The following TOR1AIP2 variants were observed in gnomAD, a reference collection of about 807,000 sequenced individuals.
The protein encoded by TOR1AIP2 is torsin-1A-interacting protein 2.
A neutral mutation model predicts 32.6 loss-of-function variants in TOR1AIP2; 20 were observed. The ratio of observed to expected loss-of-function variants is 0.61; its 90% confidence interval spans 0.43 to 0.89. The LOEUF is 0.89. Among genes scored for constraint, TOR1AIP2 ranks in the 40% least tolerant of loss-of-function variants. The pLI, the probability that TOR1AIP2 is intolerant of heterozygous loss-of-function variation, is 0.00. For synonymous variants in TOR1AIP2, 214 were observed against 210.8 expected, an observed-to-expected ratio of 1.02 and a Z score of -0.13; for missense variants, 456 against 553.8, an observed-to-expected ratio of 0.82 and a Z score of 1.77.
chr1:179,859,621 G>A, intron 3 of TOR1AIP2: 8 of 985,370 alleles, frequency 8.1e-6, no homozygotes, highest in Non-Finnish European at 9.6e-6. Context: ...GTTGTGGAAA[G>A]TCTCAGGTGA....
chr1:179,865,250 ACCAGT>A, intron 3 of TOR1AIP2, 181 bp downstream of exon 3: 2 of 1,504,268 alleles, frequency 1.3e-6, no homozygotes, highest in Non-Finnish European at 1.8e-6. Context: ...ACGCCCAAAC[ACCAGT>A]CCTATTACAG....
Position 179,851,133 on chromosome 1 carries a change from C to T in TOR1AIP2, c.265G>A (p.Glu89Lys), listed in dbSNP as rs778071605. ...GKHPKDKTED[E>K]NKQSFLDGGK... The stretch of plus-strand genomic sequence containing the variant: ...CCATCCAGAAAACTCTGCTTGTTCT[C>T]ATCTTCTGTTTTATCCTTTGGATGT... Residue 89 changes from glutamate (E) to lysine (K), a missense_variant, in exon 5 of 7, where the codon GAG becomes AAG. By Grantham distance (56) the Glu-to-Lys change is moderately conservative. Coordinates refer to ENST00000609928, the MANE Select transcript of TOR1AIP2 (RefSeq NM_001199260.2). The T allele has an allele frequency of 1.2e-6, 2 of 1,614,164 alleles. No individual in the cohort carries two copies. Among genetic ancestry groups the T allele is most frequent in the Non-Finnish European group, 1.7e-6 (2 of 1,180,038 alleles).
chr1:179,856,877 G>C (rs555281375), intron 3 of TOR1AIP2, among the ~76,000 whole-genome samples: 1 of 152,330 alleles, frequency 6.6e-6, no homozygotes, highest in African/African-American at 2.4e-5. Flanking sequence ...GCCTCACAAA[G>C]TGGTGGGGAT....
intron 3 of TOR1AIP2, chr1:179,862,305 A>G (rs1696570660): frequency 1.0e-6 from 1 of 982,338 alleles, no homozygotes; most frequent in African/African-American, 1.7e-5. Flanking sequence ...TAAAAAATTT[A>G]GGGGCAATAA....
At position 179,845,985 on chromosome 1, in the gene TOR1AIP2, A is replaced by G; in HGVS notation, c.*86T>C. The G allele has an allele frequency of 8.1e-7, 1 of 1,233,428 alleles. No homozygotes were observed. Among genetic ancestry groups the G allele is most frequent in the East Asian group, 2.4e-5 (1 of 42,250 alleles). 76.4% of individuals were successfully genotyped at this position (1,233,428 alleles called of 1,614,324 possible). A position where few individuals can be genotyped will look rare whatever the true frequency, so the allele number is the denominator to read the frequency against. ...TCAGGCTATTTCCTCAAGCTATTTT[A>G]TCAACCTCCTTCCATATAAATGGAA... On this transcript the variant is annotated 3_prime_UTR_variant, in exon 7 of 7. Transcript: ENST00000609928.
chr1:179,855,422 T>C (rs1269531862), intron 3 of TOR1AIP2, among the ~76,000 whole-genome samples: 2 of 152,056 alleles, frequency 1.3e-5, no homozygotes, highest in Admixed American at 1.3e-4. Flanking sequence ...GAATAAGCAG[T>C]TCAACAAAGA....
chr1:179,847,908 C>T (rs998353495), intron 5 of TOR1AIP2, among the ~76,000 whole-genome samples: 1 of 152,054 alleles, frequency 6.6e-6, no homozygotes, highest in Non-Finnish European at 1.5e-5. Flanking sequence ...TGGCGGGCGC[C>T]TGTAATCCCA....
At chr1:179,860,505 A>T in intron 3 of TOR1AIP2, 1 of 985,476 alleles carries the variant, frequency 1.0e-6, no homozygotes, top group African/African-American at 1.7e-5. Flanking sequence ...AAAACAAGTA[A>T]GACTCTACCT....
At chr1:179,847,716 C>T (rs1290711390) in intron 5 of TOR1AIP2, 80 bp from the exon 6 acceptor site, 1 of 979,574 alleles carries the variant, frequency 1.0e-6, no homozygotes. Flanking sequence ...CTCACCAAAC[C>T]AAAGAATGAT....
At chr1:179,877,522 CGGTGACAG>C in intron 1 of TOR1AIP2, 149 bp from the exon 2 acceptor site, 1 of 144,942 alleles carries the variant, frequency 6.9e-6, no homozygotes, top group Non-Finnish European at 1.5e-5. Context: ...ACTCTAGCCT[CGGTGACAG>C]GGCAAGTACC....
rs192182958 is a variant in TOR1AIP2 at position 179,863,207 on chromosome 1, G to C, written c.-147+2229C>G. On this transcript the variant is annotated intron_variant, in intron 3 of 6. Transcript: ENST00000609928. ...CCACTGCACTCCAGCCTGGGCGACAGAGTGAGACTCTGTCTCAAAAAAAAA... is the reference window on the plus strand; with the variant it reads ...CCACTGCACTCCAGCCTGGGCGACACAGTGAGACTCTGTCTCAAAAAAAAA... 1.5e-4 allele frequency: 142 copies of C among 945,228 alleles called. 1 individual carries two copies. In the East Asian group the frequency reaches 0.017, roughly 113 times the overall value. 58.6% of individuals were successfully genotyped at this position (945,228 alleles called of 1,614,324 possible). A position where few individuals can be genotyped will look rare whatever the true frequency, so the allele number is the denominator to read the frequency against.
At position 179,845,774 on chromosome 1, in the gene TOR1AIP2, G is replaced by T; in HGVS notation, c.*297C>A. On this transcript the variant is annotated 3_prime_UTR_variant, in exon 7 of 7. Coordinates refer to ENST00000609928, the MANE Select transcript of TOR1AIP2 (RefSeq NM_001199260.2). ...CTCTAAGAAGTAAGAGTATCTTCCT[G>T]TGCAATGTTGCTATATTTTAGAATT... The T allele has an allele frequency of 3.8e-6, 1 of 265,358 alleles. No homozygotes were observed. 16.4% of individuals were successfully genotyped at this position (265,358 alleles called of 1,614,324 possible).
intron 2 of TOR1AIP2, chr1:179,875,524 T>A (rs1697164305): frequency 6.6e-6 from 1 of 152,178 alleles, no homozygotes; most frequent in African/African-American, 2.4e-5. Context: ...CACCAATGTT[T>A]CAAAATTTGA....
At chr1:179,860,351 G>T in intron 3 of TOR1AIP2, 1 of 734,034 alleles carries the variant, frequency 1.4e-6, no homozygotes, top group Non-Finnish European at 1.7e-6. Context: ...GCATGGTGGT[G>T]CAAGCCTGTA....
At chr1:179,863,567 G>A (rs575005588) in intron 3 of TOR1AIP2, 169 of 984,216 alleles carry the variant, frequency 1.7e-4, no homozygotes, top group East Asian at 2.3e-4. Context: ...GGTGGCTCAC[G>A]CCTGTAATCC....
rs553464833 is a variant in TOR1AIP2, at chr1:179,844,669, CCCA to C, written c.*1399_*1401del. The stretch of plus-strand genomic sequence containing the variant: ...GAACATCAAAACCTCTGAGAATCTA[CCCA>C]CCATTTCTGCTTCCTCTCACTAAGT... On this transcript the variant is annotated 3_prime_UTR_variant, in exon 7 of 7. Coordinates refer to ENST00000609928, the MANE Select transcript of TOR1AIP2 (RefSeq NM_001199260.2). 11 of 152,174 alleles carry C rather than the reference CCCA, an allele frequency of 7.2e-5. No homozygotes were observed. The highest frequency in any genetic ancestry group is 1.6e-4 in the Non-Finnish European group (11 of 68,024). 9.4% of individuals were successfully genotyped at this position (152,174 alleles called of 1,614,324 possible). A position where few individuals can be genotyped will look rare whatever the true frequency, so the allele number is the denominator to read the frequency against.
chr1:179,866,500 C>CCT (rs1696780265), intron 2 of TOR1AIP2, among the ~76,000 whole-genome samples: 1 of 152,120 alleles, frequency 6.6e-6, no homozygotes, highest in Admixed American at 6.5e-5. Flanking sequence ...GCAATCTCCG[C>CCT]CTCCTGGGTT....
chr1:179,863,869 C>G, intron 3 of TOR1AIP2: 1 of 985,382 alleles, frequency 1.0e-6, no homozygotes, highest in Non-Finnish European at 1.2e-6. Context: ...AACCCCAACT[C>G]TGGGTCCATG....
At chr1:179,863,477 T>C in intron 3 of TOR1AIP2, 1 of 985,090 alleles carries the variant, frequency 1.0e-6, no homozygotes, top group Non-Finnish European at 1.2e-6. Context: ...AAATGTCTGT[T>C]ACAACAAGAA....
Sources: gnomAD v4.1 joint callset for allele counts (sites outside exome capture counted in the v4.1 genomes callset) on GRCh38, gnomAD v4.1.1 for gene constraint, MANE v1.5 for transcripts, NCBI Gene and HGNC (gene_info 2026-07-23, HGNC 2026-07-21) for gene names.